CCDC30: variants seen among roughly 807,000 people sequenced by gnomAD.
The protein encoded by CCDC30 is coiled-coil domain containing 30.
In CCDC30, 70 loss-of-function variants were observed where a neutral mutation model predicts 100.2. The observed-to-expected ratio is 0.70, with a 90% CI of 0.58 to 0.85. The LOEUF is 0.85. Ranked by LOEUF, CCDC30 falls within the 40% of genes least tolerant of loss-of-function variation. The probability of loss-of-function intolerance (pLI) is 0.00; values close to 1 mark genes in which losing one functional copy is unlikely to be tolerated. For missense variants in CCDC30, 652 were observed against 771.2 expected (o/e 0.85, Z 1.83); for synonymous variants, 233 against 269.5 (o/e 0.86, Z 1.33).
the CCDC30 span, chr1:42,457,200 A>G: frequency 6.2e-7 from 1 of 1,612,276 alleles, no homozygotes; most frequent in Non-Finnish European, 8.5e-7. Context: ...AGCTGATCCT[A>G]TATCGTACCT....
chr1:42,576,260 G>A (rs1278414346), intron 7 of CCDC30, among the ~76,000 whole-genome samples: 2 of 152,158 alleles, frequency 1.3e-5, no homozygotes, highest in African/African-American at 4.8e-5. Context: ...GACTAGAGTG[G>A]TGGCAAAAAA....
chr1:42,634,043 G>A (rs1453690316), intron 11 of CCDC30, among the ~76,000 whole-genome samples: 1 of 151,940 alleles, frequency 6.6e-6, no homozygotes, highest in African/African-American at 2.4e-5. Context: ...GGAGGCAACC[G>A]CCCCCATGAT....
chr1:42,511,714 G>T (rs1349624688), intron 6 of CCDC30, among the ~76,000 whole-genome samples: 1 of 152,046 alleles, frequency 6.6e-6, no homozygotes, highest in African/African-American at 2.4e-5. Flanking sequence ...GAGGAGAATT[G>T]GGAGGAGAAT....
intron 14 of CCDC30, among the ~76,000 whole-genome samples, chr1:42,645,067 T>A (rs766989156): frequency 1.3e-5 from 2 of 152,194 alleles, no homozygotes; most frequent in Non-Finnish European, 2.9e-5. Flanking sequence ...TCTTCCTTAA[T>A]ACACTGTATT....
chr1:42,644,128 A>G (rs1647674813), intron 13 of CCDC30, among the ~76,000 whole-genome samples: 1 of 152,198 alleles, frequency 6.6e-6, no homozygotes, highest in Non-Finnish European at 1.5e-5. Flanking sequence ...ATGTATATGT[A>G]AAGGAGAGTA....
At chr1:42,546,769 A>G (rs750344516) in intron 6 of CCDC30, among the ~76,000 whole-genome samples, 3 of 152,102 alleles carry the variant, frequency 2.0e-5, no homozygotes, top group Non-Finnish European at 4.4e-5. Flanking sequence ...AGGTACTTCT[A>G]CTTTTCTAAC....
At chr1:42,549,113 G>A (rs2148540557) in intron 6 of CCDC30, among the ~76,000 whole-genome samples, 2 of 152,204 alleles carry the variant, frequency 1.3e-5, no homozygotes, top group Admixed American at 1.3e-4. Flanking sequence ...TCTGCAGAGG[G>A]GCCTCAGAAA....
In CCDC30 at chr1:42,480,567, G is replaced by C. The variant is rs536707253; in HGVS notation, c.15+1G>C. The C allele has an allele frequency of 1.0e-6, 1 of 978,442 alleles. No individual in the cohort carries two copies. The highest frequency in any genetic ancestry group is 1.2e-6 in the Non-Finnish European group (1 of 823,716). 60.6% of individuals were successfully genotyped at this position (978,442 alleles called of 1,614,324 possible). ...TCCTCCCAAAATGCTGGAATTACAG[G>C]TGAGCCACCACACCCAGGCAAAATG... On this transcript the variant is annotated splice_donor_variant, in intron 2 of 16. Transcript: ENST00000668663. LOFTEE classifies it high-confidence loss of function.
At chr1:42,656,282 C>A (rs1648654894), downstream of CCDC30, among the ~76,000 whole-genome samples, 2 of 152,160 alleles carry the variant, frequency 1.3e-5, no homozygotes. Flanking sequence ...TGGACTGAGT[C>A]AAAGGATATA....
At chr1:42,630,672 G>T (rs1294839596) in intron 11 of CCDC30, among the ~76,000 whole-genome samples, 1 of 152,012 alleles carries the variant, frequency 6.6e-6, no homozygotes, top group Admixed American at 6.6e-5. Context: ...GTGAGCCACC[G>T]CACCTGGCCC....
intron 6 of CCDC30, among the ~76,000 whole-genome samples, chr1:42,539,929 A>G (rs1025204046): frequency 6.6e-6 from 1 of 152,002 alleles, no homozygotes; most frequent in Non-Finnish European, 1.5e-5. Context: ...AAAAAAAAAA[A>G]AAAAGAAAAG....
chr1:42,584,668 A>T (rs1389976516), intron 9 of CCDC30, among the ~76,000 whole-genome samples: 1 of 152,250 alleles, frequency 6.6e-6, no homozygotes, highest in Admixed American at 6.5e-5. Flanking sequence ...TATTGTTGTC[A>T]TTATCATCAT....
chr1:42,526,187 T>C (rs1420439958), intron 6 of CCDC30, among the ~76,000 whole-genome samples: 1 of 152,196 alleles, frequency 6.6e-6, no homozygotes, highest in Non-Finnish European at 1.5e-5. Context: ...CTGGCAGTTG[T>C]AGTGTCACCT....
At chr1:42,528,086 G>A (rs1273738399) in intron 6 of CCDC30, among the ~76,000 whole-genome samples, 7 of 151,932 alleles carry the variant, frequency 4.6e-5, no homozygotes, top group African/African-American at 1.2e-4. Flanking sequence ...GGCTGGTCTC[G>A]AACTCCTGAC....
chr1:42,505,001 A>T (rs1644374365), intron 6 of CCDC30, among the ~76,000 whole-genome samples: 1 of 152,250 alleles, frequency 6.6e-6, no homozygotes, highest in Non-Finnish European at 1.5e-5. Flanking sequence ...AAGGATAATA[A>T]TTAAGCAAAA....
chr1:42,459,581 A>C (rs777276802), upstream of CCDC30: 3 of 1,597,120 alleles, frequency 1.9e-6, no homozygotes, highest in Admixed American at 5.2e-5. Context: ...TTGCTTATTA[A>C]GCTTTTCTTT....
intron 1 of CCDC30, among the ~76,000 whole-genome samples, chr1:42,471,252 G>A (rs1643761015): frequency 6.6e-6 from 1 of 152,132 alleles, no homozygotes; most frequent in Non-Finnish European, 1.5e-5. Flanking sequence ...CCAATATCCT[G>A]ATCCCCTTTT....
At chr1:42,578,556 T>A (rs762424454) in intron 8 of CCDC30, among the ~76,000 whole-genome samples, 1 of 152,166 alleles carries the variant, frequency 6.6e-6, no homozygotes, top group South Asian at 2.1e-4. Flanking sequence ...ATTGGTAAAA[T>A]TGGTAAAGAT....
At chr1:42,511,385 A>C (rs1438398748) in intron 6 of CCDC30, among the ~76,000 whole-genome samples, 1 of 152,178 alleles carries the variant, frequency 6.6e-6, no homozygotes, top group Non-Finnish European at 1.5e-5. Flanking sequence ...TTAATGGAGA[A>C]AGGGTACTAG....
Sources: allele counts gnomAD v4.1 joint callset (sites outside exome capture counted in the v4.1 genomes callset), GRCh38; gene constraint gnomAD v4.1.1; transcripts MANE v1.5; gene names NCBI Gene and HGNC (gene_info 2026-07-23, HGNC 2026-07-21).